The following ASAP1 variants were observed in gnomAD, a reference collection of about 807,000 sequenced individuals.
ASAP1 encodes arf-GAP with SH3 domain, ANK repeat and PH domain-containing protein 1.
A neutral mutation model predicts 145.2 loss-of-function variants in ASAP1; 43 were observed. The observed-to-expected ratio is 0.30, with a 90% CI of 0.23 to 0.38. The LOEUF is 0.38. Ranked by LOEUF, ASAP1 falls within the 10% of genes least tolerant of loss-of-function variation. The probability of loss-of-function intolerance (pLI) is 1.00; values close to 1 mark genes in which losing one functional copy is unlikely to be tolerated. For missense variants in ASAP1, 1,018 were observed against 1,355.3 expected (o/e 0.75, Z 3.91); for synonymous variants, 546 against 515.5 (o/e 1.06, Z -0.80).
chr8:130,100,338 CT>C (rs895950656), intron 24 of ASAP1, among the ~76,000 whole-genome samples: 1 of 149,982 alleles, frequency 6.7e-6, no homozygotes, highest in African/African-American at 2.5e-5. Context: ...TTCTTTCTTT[CT>C]TTTTTTTGAG....
At position 130,237,011 on chromosome 8, in the gene ASAP1, G is replaced by T. The variant is rs777619661; in HGVS notation, c.187-17C>A. On this transcript the variant is annotated splice_polypyrimidine_tract_variant and intron_variant, in intron 3 of 29. Coordinates refer to ENST00000518721, the MANE Select transcript of ASAP1 (RefSeq NM_018482.4). ...GTCTAGAGCCTAAAAGAGAAAAAAG[G>T]GGGAAAAGATATTAGAAGATTTGGT... 2.0e-6 allele frequency: 3 copies of T among 1,534,886 alleles called. No homozygotes were observed. Among genetic ancestry groups the T allele is most frequent in the Non-Finnish European group, 2.6e-6 (3 of 1,135,108 alleles).
chr8:130,198,678 C>A (rs1259847603), intron 5 of ASAP1, among the ~76,000 whole-genome samples: 1 of 152,204 alleles, frequency 6.6e-6, no homozygotes. Flanking sequence ...AACGAGGAAA[C>A]AGGCTTAGAG....
intron 24 of ASAP1, among the ~76,000 whole-genome samples, chr8:130,098,373 G>C (rs969383766): frequency 3.3e-5 from 5 of 152,078 alleles, no homozygotes; most frequent in African/African-American, 1.2e-4. Context: ...ATGAAGTTTT[G>C]CTCTTTGTTG....
intron 4 of ASAP1, among the ~76,000 whole-genome samples, chr8:130,215,743 C>T (rs1023907978): frequency 6.6e-6 from 1 of 151,770 alleles, no homozygotes; most frequent in Non-Finnish European, 1.5e-5. Context: ...GACTCTGTCT[C>T]AAAACAACAA....
intron 3 of ASAP1, among the ~76,000 whole-genome samples, chr8:130,272,997 T>C (rs1323570310): frequency 1.3e-5 from 2 of 152,160 alleles, no homozygotes; most frequent in African/African-American, 2.4e-5. Context: ...AAGAGAGGAC[T>C]AGAAATCTTC....
chr8:130,294,917 C>A (rs1035488036), intron 3 of ASAP1, among the ~76,000 whole-genome samples: 1 of 152,070 alleles, frequency 6.6e-6, no homozygotes, highest in Non-Finnish European at 1.5e-5. Flanking sequence ...ATGAACAAAG[C>A]CAATTTACAG....
chr8:130,229,299 T>C (rs1188591177), intron 4 of ASAP1, among the ~76,000 whole-genome samples: 1 of 152,208 alleles, frequency 6.6e-6, no homozygotes, highest in Non-Finnish European at 1.5e-5. Flanking sequence ...CACACACATA[T>C]GACTGCTTGT....
At chr8:130,188,513 C>T (rs1271480765) in intron 5 of ASAP1, among the ~76,000 whole-genome samples, 3 of 151,994 alleles carry the variant, frequency 2.0e-5, no homozygotes, top group Non-Finnish European at 4.4e-5. Context: ...GCAGGAGGAT[C>T]ACTGGAGGTC....
intron 13 of ASAP1, among the ~76,000 whole-genome samples, chr8:130,142,495 T>C (rs2097614293): frequency 6.6e-6 from 1 of 152,236 alleles, no homozygotes; most frequent in Non-Finnish European, 1.5e-5. Context: ...ATTAAGTCTC[T>C]ACCACATTCC....
intron 5 of ASAP1, among the ~76,000 whole-genome samples, chr8:130,209,579 A>G (rs1469737303): frequency 6.6e-6 from 1 of 151,918 alleles, no homozygotes; most frequent in African/African-American, 2.4e-5. Flanking sequence ...GGCTATTTTC[A>G]TTTAAGAATA....
intron 25 of ASAP1, among the ~76,000 whole-genome samples, chr8:130,088,217 G>A (rs1451392020): frequency 1.3e-5 from 2 of 152,016 alleles, no homozygotes; most frequent in Non-Finnish European, 2.9e-5. Flanking sequence ...CACAACCTCC[G>A]CCTCCCGAAT....
At chr8:130,260,189 T>A (rs1256336453) in intron 3 of ASAP1, among the ~76,000 whole-genome samples, 1 of 152,216 alleles carries the variant, frequency 6.6e-6, no homozygotes, top group Non-Finnish European at 1.5e-5. Flanking sequence ...AGGTGTATAA[T>A]AATGAACTAA....
rs536798850 is a variant in ASAP1 at position 130,141,004 on chromosome 8, T to C, written c.1081-3966A>G. Among the ~76,000 whole-genome samples, 13 of 152,334 alleles carry C rather than the reference T, an allele frequency of 8.5e-5. No individual in the cohort carries two copies. The East Asian group carries it at 1.5e-3, about 18-fold the overall frequency. ...AAAATTTCAAAGCACTTTCTTGACATTTAGTACTAATTTATAGGTATATTG... is the reference window on the plus strand; with the variant it reads ...AAAATTTCAAAGCACTTTCTTGACACTTAGTACTAATTTATAGGTATATTG... On this transcript the variant is annotated intron_variant, in intron 13 of 29. Transcript: ENST00000518721.
intron 3 of ASAP1, among the ~76,000 whole-genome samples, chr8:130,314,646 C>G (rs1409572962): frequency 1.3e-5 from 2 of 152,236 alleles, no homozygotes; most frequent in African/African-American, 4.8e-5. Flanking sequence ...GCTGCGCTTC[C>G]CAGTGGCACC....
At chr8:130,137,502 A>G (rs1340700992) in intron 13 of ASAP1, among the ~76,000 whole-genome samples, 1 of 152,208 alleles carries the variant, frequency 6.6e-6, no homozygotes, top group Admixed American at 6.5e-5. Flanking sequence ...GTATCTTACT[A>G]TGAAATGTAG....
intron 5 of ASAP1, among the ~76,000 whole-genome samples, chr8:130,201,129 T>G (rs993573591): frequency 6.6e-6 from 1 of 152,194 alleles, no homozygotes; most frequent in Non-Finnish European, 1.5e-5. Context: ...GTGAAATGGA[T>G]GCAAGATCAA....
In ASAP1 at chr8:130,109,636, C is replaced by A. The variant is rs527739228; in HGVS notation, c.2401+2458G>T. Among the ~76,000 whole-genome samples, 3 of 151,780 alleles carry A rather than the reference C, an allele frequency of 2.0e-5. No homozygotes were observed. The South Asian group carries it at 6.3e-4, about 32-fold the overall frequency. ...TTTCATGCAAATGGTTCTATCAGCTCAACAGAAGGAAATGAAAAAAAACAT... is the reference window on the plus strand; with the variant it reads ...TTTCATGCAAATGGTTCTATCAGCTAAACAGAAGGAAATGAAAAAAAACAT... On this transcript the variant is annotated intron_variant, in intron 24 of 29. Transcript: ENST00000518721.
intron 2 of ASAP1, among the ~76,000 whole-genome samples, chr8:130,368,193 T>C (rs187981605): frequency 1.1e-4 from 17 of 152,330 alleles, no homozygotes; most frequent in African/African-American, 3.8e-4. Flanking sequence ...AGAGGCATTA[T>C]ACAAACAAAT....
chr8:130,097,495 C>T (rs952956158), intron 24 of ASAP1, among the ~76,000 whole-genome samples: 1 of 152,176 alleles, frequency 6.6e-6, no homozygotes, highest in Non-Finnish European at 1.5e-5. Context: ...GCTGTGCCTT[C>T]AACTCAAGTG....
Sources: allele counts gnomAD v4.1 joint callset (sites outside exome capture counted in the v4.1 genomes callset), GRCh38; gene constraint gnomAD v4.1.1; transcripts MANE v1.5; gene names NCBI Gene and HGNC (gene_info 2026-07-23, HGNC 2026-07-21).